GFOD1: variants seen among roughly 807,000 people sequenced by gnomAD.
The protein encoded by GFOD1 is glucose-fructose oxidoreductase domain-containing protein 1.
A neutral mutation model predicts 25.4 loss-of-function variants in GFOD1; 9 were observed. That is an observed-to-expected ratio of 0.35 (90% CI 0.21 to 0.62). GFOD1 has a LOEUF of 0.62. GFOD1 is among the 20% of genes least tolerant of loss of function. The pLI is 0.72. For synonymous variants in GFOD1, 253 were observed against 245.6 expected, an observed-to-expected ratio of 1.03 and a Z score of -0.28; for missense variants, 403 against 556.9, an observed-to-expected ratio of 0.72 and a Z score of 2.78.
chr6:13,375,886 T>A (rs1785245781), intron 1 of GFOD1, among the ~76,000 whole-genome samples: 1 of 152,206 alleles, frequency 6.6e-6, no homozygotes, highest in Admixed American at 6.5e-5. Flanking sequence ...TTCGAATTTC[T>A]GTTACCTTAT....
intron 1 of GFOD1, among the ~76,000 whole-genome samples, chr6:13,477,971 C>T (rs535189176): frequency 6.6e-6 from 1 of 150,482 alleles, no homozygotes; most frequent in Non-Finnish European, 1.5e-5. Context: ...GACTGAGGCA[C>T]AACAATTGCT....
At position 13,484,279 on chromosome 6, in the gene GFOD1, A is replaced by T. The variant is rs1758817579; in HGVS notation, c.253+2359T>A. On this transcript the variant is annotated intron_variant, in intron 1 of 1. Transcript: ENST00000379287. The stretch of plus-strand genomic sequence containing the variant: ...AATTCAAAGTCCAGGCCTTTGCTAA[A>T]AGGACAATTTACCAGGATGAGTCAA... 2.6e-5 allele frequency among the ~76,000 whole-genome samples: 4 copies of T among 152,184 alleles called. No homozygotes were observed. The South Asian group carries it at 8.3e-4, about 32-fold the overall frequency.
At chr6:13,434,402 A>G (rs560712755) in intron 1 of GFOD1, among the ~76,000 whole-genome samples, 67 of 146,778 alleles carry the variant, frequency 4.6e-4, no homozygotes, top group African/African-American at 1.5e-3. Flanking sequence ...GAGAACACAA[A>G]TCAAGTGCAG....
chr6:13,463,662 C>T (rs959188332), intron 1 of GFOD1, among the ~76,000 whole-genome samples: 5 of 152,108 alleles, frequency 3.3e-5, no homozygotes, highest in Admixed American at 2.0e-4. Context: ...AAAGAAAATA[C>T]GATAGCATTT....
intron 1 of GFOD1, among the ~76,000 whole-genome samples, chr6:13,466,989 G>T (rs142765371): frequency 6.6e-6 from 1 of 151,808 alleles, no homozygotes; most frequent in South Asian, 2.1e-4. Flanking sequence ...GCAAGCAGCC[G>T]TCCCACTAAC....
At chr6:13,406,179 A>G (rs956786556) in intron 1 of GFOD1, among the ~76,000 whole-genome samples, 2 of 152,222 alleles carry the variant, frequency 1.3e-5, no homozygotes, top group Non-Finnish European at 2.9e-5. Context: ...AGTAAAGTAC[A>G]GACATCTGGC....
At chr6:13,409,331 GAGAA>G (rs1361788507) in intron 1 of GFOD1, among the ~76,000 whole-genome samples, 1 of 141,924 alleles carries the variant, frequency 7.0e-6, no homozygotes. Flanking sequence ...GAAGGAAGGA[GAGAA>G]AGAGAGAGAG....
rs56252038 is a variant in GFOD1 at position 13,410,005 on chromosome 6, GT to G, written c.254-44344del. On this transcript the variant is annotated intron_variant, in intron 1 of 1. Transcript: ENST00000379287. ...ATTTCTAAAATGATACGGATTTTTA[GT>G]TTTTTTTTTTTTTTTTTTTAGATTG... is the stretch of plus-strand genomic sequence containing the variant. Among the ~76,000 whole-genome samples, 773 of 121,588 alleles carry G rather than the reference GT, an allele frequency of 6.4e-3. 7 individuals carry two copies. Among genetic ancestry groups the G allele is most frequent in the African/African-American group, 0.023 (727 of 32,116 alleles). 79.8% of individuals were successfully genotyped at this position (121,588 alleles called of 152,430 possible).
intron 1 of GFOD1, among the ~76,000 whole-genome samples, chr6:13,400,659 TC>T (rs1785823833): frequency 6.6e-6 from 1 of 152,166 alleles, no homozygotes; most frequent in African/African-American, 2.4e-5. Context: ...AGTGGGAGAA[TC>T]TTTTTCCACT....
intron 1 of GFOD1, among the ~76,000 whole-genome samples, chr6:13,423,204 T>C (rs1343820879): frequency 2.2e-5 from 3 of 139,024 alleles, no homozygotes; most frequent in African/African-American, 1.0e-4. Flanking sequence ...AAGATAAATA[T>C]AGACAGTCCC....
At chr6:13,472,674 C>T (rs1562229956) in intron 1 of GFOD1, among the ~76,000 whole-genome samples, 3 of 152,242 alleles carry the variant, frequency 2.0e-5, no homozygotes, top group Admixed American at 1.3e-4. Flanking sequence ...TCTGATGGGA[C>T]AGCCTCTTCA....
chr6:13,475,246 A>C (rs1304418450), intron 1 of GFOD1, among the ~76,000 whole-genome samples: 1 of 152,164 alleles, frequency 6.6e-6, no homozygotes, highest in Non-Finnish European at 1.5e-5. Context: ...CTAACAAGAT[A>C]CTTCTACATA....
intron 1 of GFOD1, among the ~76,000 whole-genome samples, chr6:13,415,770 T>C (rs1408858251): frequency 1.3e-5 from 2 of 152,376 alleles, no homozygotes; most frequent in African/African-American, 2.4e-5. Flanking sequence ...TGAGCCATGA[T>C]GGCCATCCGC....
intron 1 of GFOD1, among the ~76,000 whole-genome samples, chr6:13,462,523 A>C (rs1347272495): frequency 6.6e-6 from 1 of 152,218 alleles, no homozygotes; most frequent in Admixed American, 6.5e-5. Flanking sequence ...GGGAGAAGGA[A>C]GTGCTTTCTG....
intron 1 of GFOD1, among the ~76,000 whole-genome samples, chr6:13,439,977 ACAGGATTTGAACC>A (rs1757889465): frequency 6.6e-6 from 1 of 152,156 alleles, no homozygotes; most frequent in Non-Finnish European, 1.5e-5. Flanking sequence ...AGTAGAGGAG[ACAGGATTTGAACC>A]CAGGCCTCTC....
chr6:13,381,048 G>A (rs1055327684), intron 1 of GFOD1, among the ~76,000 whole-genome samples: 1 of 152,168 alleles, frequency 6.6e-6, no homozygotes, highest in African/African-American at 2.4e-5. Context: ...TGAATGAGAT[G>A]GGGGTTTCAG....
chr6:13,439,087 C>G (rs1367312697), intron 1 of GFOD1, among the ~76,000 whole-genome samples: 1 of 152,118 alleles, frequency 6.6e-6, no homozygotes, highest in Non-Finnish European at 1.5e-5. Context: ...ATTAACTGGT[C>G]TAGATGTACT....
chr6:13,485,127 A>T (rs982988466), intron 1 of GFOD1, among the ~76,000 whole-genome samples: 13 of 152,376 alleles, frequency 8.5e-5, no homozygotes, highest in African/African-American at 2.9e-4. Context: ...AAGGGCAGAC[A>T]CTTAATAAAA....
chr6:13,393,158 C>A (rs535119597), intron 1 of GFOD1, among the ~76,000 whole-genome samples: 1 of 151,876 alleles, frequency 6.6e-6, no homozygotes, highest in African/African-American at 2.4e-5. Context: ...GATTTCAAGA[C>A]CAGCCTGGGC....
Sources: allele counts gnomAD v4.1 joint callset (sites outside exome capture counted in the v4.1 genomes callset), GRCh38; gene constraint gnomAD v4.1.1; transcripts MANE v1.5; gene names NCBI Gene and HGNC (gene_info 2026-07-23, HGNC 2026-07-21).